Variants in PCDHGA2 observed in about 807,000 individuals in gnomAD.
PCDHGA2 encodes the protein protocadherin gamma subfamily A, 2.
In PCDHGA2, 40 loss-of-function variants were observed where a neutral mutation model predicts 59.2. The ratio of observed to expected loss-of-function variants is 0.68; its 90% CI spans 0.52 to 0.88. The LOEUF (loss-of-function observed/expected upper bound fraction) is 0.88, where lower values mean the gene tolerates loss of function less well. PCDHGA2 is among the 40% of genes least tolerant of loss of function. PCDHGA2 has a pLI of 0.00. For missense variants in PCDHGA2, 1,226 were observed against 1,204.0 expected (o/e 1.02, Z -0.27); for synonymous variants, 560 against 526.0 (o/e 1.06, Z -0.89).
At chr5:141,414,287 C>A (rs374229359) in intron 1 of PCDHGA2, 4 of 1,613,316 alleles carry the variant, frequency 2.5e-6, no homozygotes, top group Non-Finnish European at 3.4e-6. Flanking sequence ...ACAGTCGTAG[C>A]CCTTTTAAAT....
At chr5:141,354,835 T>A (rs1222871147) in intron 1 of PCDHGA2, among the ~76,000 whole-genome samples, 1 of 152,226 alleles carries the variant, frequency 6.6e-6, no homozygotes, top group Non-Finnish European at 1.5e-5. Context: ...AAGACTTGGA[T>A]CATTCTTGAA....
chr5:141,384,726 T>C (rs1561604051), intron 1 of PCDHGA2: 3 of 1,613,886 alleles, frequency 1.9e-6, no homozygotes. Flanking sequence ...ACCTCCTGCT[T>C]AAGGCCAGCG....
At chr5:141,380,349 GT>G (rs1776403876) in intron 1 of PCDHGA2, among the ~76,000 whole-genome samples, 1 of 152,006 alleles carries the variant, frequency 6.6e-6, no homozygotes, top group South Asian at 2.1e-4. Flanking sequence ...CTGTTTTGTT[GT>G]TTGTTTTTTA....
intron 1 of PCDHGA2, chr5:141,403,221 T>G (rs899056141): frequency 1.3e-5 from 21 of 1,613,974 alleles, no homozygotes; most frequent in Non-Finnish European, 1.8e-5. Flanking sequence ...GCGGGTAGGA[T>G]AGACCGGGAG....
rs1422052114 is a variant in PCDHGA2, at chr5:141,511,168, A to T, written c.2794A>T (p.Lys932Ter). The change falls in exon 4 of 4, where the codon AAG (lysine) becomes TAG (stop). Residue 932 changes from lysine to a stop codon, truncating the protein, a stop_gained. Coordinates refer to ENST00000394576, the MANE Select transcript of PCDHGA2 (RefSeq NM_018915.4). LOFTEE classifies it high-confidence loss of function. ...GAAGAAGTCGGGCAAGAAGGAGAAG[A>T]AGTAACATGGAGGCCAGGCCAAGAG... is the stretch of plus-strand genomic sequence containing the variant. The part of the protein sequence containing the change: ...NKKKSGKKEK[K>*] 1.4e-5 allele frequency: 22 copies of T among 1,614,038 alleles called. No individual in the cohort carries two copies. The highest frequency in any genetic ancestry group is 1.7e-5 in the Non-Finnish European group (20 of 1,180,008).
At chr5:141,399,298 A>T (rs1451298331) in intron 1 of PCDHGA2, 1 of 1,613,850 alleles carries the variant, frequency 6.2e-7, no homozygotes, top group Non-Finnish European at 8.5e-7. Flanking sequence ...TTTTAAGATT[A>T]TCTCTTCATC....
chr5:141,415,080 C>T (rs1426953509), intron 1 of PCDHGA2: 1 of 1,613,526 alleles, frequency 6.2e-7, no homozygotes, highest in African/African-American at 1.3e-5. Context: ...CGGCGCGAGC[C>T]CTGCTGGACA....
Position 141,511,126 on chromosome 5 carries a change from G to A in PCDHGA2, c.2752G>A (p.Gly918Ser). The A allele has an allele frequency of 1.9e-6, 3 of 1,614,212 alleles. No individual in the cohort carries two copies. The highest frequency in any genetic ancestry group is 2.2e-5 in the South Asian group (2 of 91,086). The change falls in exon 4 of 4, where the codon GGT becomes AGT. Residue 918 changes from glycine to serine, a missense_variant. Coordinates refer to ENST00000394576, the MANE Select transcript of PCDHGA2 (RefSeq NM_018915.4). ...AGKRDGKAPA[G>S]GNGNKKKSGK... ...CAAGCGGGATGGCAAGGCCCCAGCA[G>A]GTGGCAATGGCAACAAGAAGAAGTC...
intron 1 of PCDHGA2, among the ~76,000 whole-genome samples, chr5:141,437,842 A>G (rs1372385076): frequency 2.0e-5 from 3 of 150,650 alleles, no homozygotes; most frequent in East Asian, 3.9e-4. Context: ...GGTTCATGCT[A>G]TTCTCCTGCC....
In PCDHGA2 at chr5:141,412,947, C is replaced by T. The variant is rs930035804; in HGVS notation, c.2424+71552C>T. On this transcript the variant is annotated intron_variant, in intron 1 of 3. Coordinates refer to ENST00000394576, the MANE Select transcript of PCDHGA2 (RefSeq NM_018915.4). ...AGTAACTTCTTAGGACTCTGAGCGC[C>T]GCTGTTCACCTACTAGGAGAGAAAA... is the stretch of plus-strand genomic sequence containing the variant. The T allele has an allele frequency of 2.3e-5, 11 of 475,008 alleles. No individual in the cohort carries two copies. The Middle Eastern group carries it at 2.2e-3, about 94-fold the overall frequency. 29.4% of individuals were successfully genotyped at this position (475,008 alleles called of 1,614,324 possible). A position where few individuals can be genotyped will look rare whatever the true frequency, so the allele number is the denominator to read the frequency against.
Position 141,339,523 on chromosome 5 carries a change from G to A in PCDHGA2, c.552G>A (p.Arg184=), listed in dbSNP as rs6861047. 0.15 allele frequency: 246,600 copies of A among 1,614,014 alleles called. 20,246 individuals carry two copies. The highest frequency in any genetic ancestry group is 0.17 in the Non-Finnish European group (200,113 of 1,179,986). The change falls in exon 1 of 4, where the codon AGG becomes AGA. Residue 184 remains arginine (R), a synonymous_variant. Coordinates refer to ENST00000394576, the MANE Select transcript of PCDHGA2 (RefSeq NM_018915.4). The stretch of plus-strand genomic sequence containing the variant: ...ACCACTTCTCCCTGGACGTGCGAAG[G>A]GGAGCTGATGGGAACAAGTACCCAG... The part of the protein sequence containing the change: ...PNDHFSLDVR[R]GADGNKYPEL...
At chr5:141,389,828 A>C in intron 1 of PCDHGA2, 1 of 1,613,938 alleles carries the variant, frequency 6.2e-7, no homozygotes, top group Non-Finnish European at 8.5e-7. Flanking sequence ...GTGACGGTGG[A>C]CAGCCACCAC....
At chr5:141,488,525 G>A (rs1040463796) in intron 1 of PCDHGA2, among the ~76,000 whole-genome samples, 1 of 152,182 alleles carries the variant, frequency 6.6e-6, no homozygotes, top group African/African-American at 2.4e-5. Flanking sequence ...TGGGGTGTCA[G>A]AAAAGCTAAG....
Position 141,486,601 on chromosome 5 carries a change from C to A in PCDHGA2, c.2425-8206C>A, listed in dbSNP as rs770685748. On this transcript the variant is annotated intron_variant, in intron 1 of 3. Transcript: ENST00000394576. The surrounding 1 kb of genome is among the most constrained non-coding windows in gnomAD (Gnocchi z 5.0). ...ATCGCCCAGGGGACCTGCTTTGCTCCCTTGCAGCCTCTGACCCAGACTCTG... is the reference window on the plus strand; with the variant it reads ...ATCGCCCAGGGGACCTGCTTTGCTCACTTGCAGCCTCTGACCCAGACTCTG... The A allele has an allele frequency of 1.9e-6, 3 of 1,613,558 alleles. No homozygotes were observed. The highest frequency in any genetic ancestry group is 3.3e-5 in the Admixed American group (2 of 60,026).
At chr5:141,385,300 A>G (rs1781097976) in intron 1 of PCDHGA2, 2 of 1,613,102 alleles carry the variant, frequency 1.2e-6, no homozygotes, top group Non-Finnish European at 8.5e-7. Flanking sequence ...TCAGGAATGT[A>G]AAGAAAACCT....
At chr5:141,393,622 A>G (rs776047060) in intron 1 of PCDHGA2, 2 of 1,613,960 alleles carry the variant, frequency 1.2e-6, no homozygotes, top group Non-Finnish European at 1.7e-6. Flanking sequence ...AGCGACCCGG[A>G]TGAGGGAATC....
At chr5:141,400,000 G>A (rs765622041) in intron 1 of PCDHGA2, 1 of 1,612,388 alleles carries the variant, frequency 6.2e-7, no homozygotes, top group Non-Finnish European at 8.5e-7. Context: ...GGTGCGCACA[G>A]CGCGTGCCTT....
intron 1 of PCDHGA2, among the ~76,000 whole-genome samples, chr5:141,347,147 CTTTCTTT>C (rs1757905827): frequency 7.7e-6 from 1 of 129,464 alleles, no homozygotes; most frequent in Non-Finnish European, 1.7e-5. Flanking sequence ...CTCTTTCTTT[CTTTCTTT>C]CTTTCTTTCT....
rs183338714 is a variant in PCDHGA2, at chr5:141,373,869, G to A, written c.2424+32474G>A. On this transcript the variant is annotated intron_variant, in intron 1 of 3. Coordinates refer to ENST00000394576, the MANE Select transcript of PCDHGA2 (RefSeq NM_018915.4). ...TAAGCGTCGCTGTTGACCAACCTGG[G>A]CAAGAAAATCAACGGAAACTCAAGT... The A allele has an allele frequency of 4.3e-3, 2,030 of 471,178 alleles. 12 individuals carry two copies. Among genetic ancestry groups the A allele is most frequent in the Admixed American group, 0.01 (264 of 25,860 alleles). The allele number at this position is 471,178 out of a possible 1,614,324, so 29.2% of individuals were successfully genotyped here. A position where few individuals can be genotyped will look rare whatever the true frequency, so the allele number is the denominator to read the frequency against.
Sources: gnomAD v4.1 joint callset for allele counts (sites outside exome capture counted in the v4.1 genomes callset) on GRCh38, gnomAD v4.1.1 for gene constraint, Gnocchi (gnomAD v3.1) non-coding constraint, MANE v1.5 for transcripts, NCBI Gene and HGNC (gene_info 2026-07-23, HGNC 2026-07-21) for gene names.